TUSC3: variants seen among roughly 807,000 people sequenced by gnomAD.
TUSC3 encodes the protein tumor suppressor candidate 3.
Under a neutral mutation model 44.8 loss-of-function variants are expected in TUSC3, and 45 were observed. That is an observed-to-expected ratio of 1.00 (90% CI 0.79 to 1.29). The LOEUF is 1.29. TUSC3 is among the 50% of genes most tolerant of loss of function. The pLI, the probability that TUSC3 is intolerant of heterozygous loss-of-function variation, is 0.00. For missense variants in TUSC3, 519 were observed against 437.9 expected (o/e 1.19, Z -1.65); for synonymous variants, 212 against 152.9 (o/e 1.39, Z -2.85).
intron 2 of TUSC3, among the ~76,000 whole-genome samples, chr8:15,486,376 T>A (rs1800733068): frequency 6.6e-6 from 1 of 152,214 alleles, no homozygotes; most frequent in Non-Finnish European, 1.5e-5. Context: ...AAATGACTGC[T>A]GGTACTTGGT....
At chr8:15,594,986 A>C (rs375965408) in intron 1 of TUSC3, among the ~76,000 whole-genome samples, 2 of 151,950 alleles carry the variant, frequency 1.3e-5, no homozygotes, top group South Asian at 4.2e-4. Flanking sequence ...TAGGTTTTAT[A>C]CTTCGGGGCA....
intron 1 of TUSC3, among the ~76,000 whole-genome samples, chr8:15,583,517 G>A (rs1384253729): frequency 1.3e-5 from 2 of 152,130 alleles, no homozygotes; most frequent in African/African-American, 2.4e-5. Context: ...GTGTTCTATG[G>A]TTAAGGCTTT....
chr8:15,756,141 T>C (rs117347003), intron 9 of TUSC3, among the ~76,000 whole-genome samples: 57 of 152,312 alleles, frequency 3.7e-4, no homozygotes, highest in Non-Finnish European at 5.9e-4. Context: ...TAATTCTGTG[T>C]ATTAGCTAGA....
At chr8:15,686,575 C>T (rs1274720169) in intron 6 of TUSC3, among the ~76,000 whole-genome samples, 1 of 151,916 alleles carries the variant, frequency 6.6e-6, no homozygotes, top group Non-Finnish European at 1.5e-5. Flanking sequence ...GGATTTTGCA[C>T]ATGCTAGGTC....
chr8:15,575,080 G>C (rs928059463), intron 1 of TUSC3, among the ~76,000 whole-genome samples: 2 of 151,938 alleles, frequency 1.3e-5, no homozygotes, highest in Non-Finnish European at 2.9e-5. Context: ...GCAATTAATG[G>C]TTTAAAAAAT....
the TUSC3 span, among the ~76,000 whole-genome samples, chr8:15,847,771 G>C: frequency 1.3e-5 from 2 of 152,020 alleles, no homozygotes; most frequent in East Asian, 1.9e-4. Context: ...TTTTCTCATA[G>C]AGTAGCAATG....
At chr8:15,652,160 A>C (rs1172771025) in intron 3 of TUSC3, among the ~76,000 whole-genome samples, 3 of 152,212 alleles carry the variant, frequency 2.0e-5, no homozygotes, top group African/African-American at 7.2e-5. Context: ...TGCAAAACTT[A>C]GTGCAGTTCC....
At chr8:15,846,835 T>C in the TUSC3 span, among the ~76,000 whole-genome samples, 1 of 151,292 alleles carries the variant, frequency 6.6e-6, no homozygotes, top group Non-Finnish European at 1.5e-5. Context: ...AACCTGCATG[T>C]TCTGCACATA....
the TUSC3 span, among the ~76,000 whole-genome samples, chr8:15,785,383 C>G: frequency 6.6e-6 from 1 of 151,612 alleles, no homozygotes; most frequent in Admixed American, 6.6e-5. Context: ...AGGTCTTAGC[C>G]TAGATATCTT....
At position 15,764,953 on chromosome 8, in the gene TUSC3, C is replaced by T. The variant is rs149530614; in HGVS notation, c.*797C>T. 14 of 152,132 alleles carry T rather than the reference C, an allele frequency of 9.2e-5. No homozygotes were observed. In the East Asian group the frequency reaches 2.7e-3, roughly 29 times the overall value. The allele number at this position is 152,132 out of a possible 1,614,324, so 9.4% of individuals were successfully genotyped here. A position where few individuals can be genotyped will look rare whatever the true frequency, so the allele number is the denominator to read the frequency against. On this transcript the variant is annotated 3_prime_UTR_variant, in exon 11 of 11. Transcript: ENST00000503731. ...TCCATTTTCGAGCAAACCTAACCCA[C>T]TATATCCATTTTGCTCATGTGTTTT...
intron 6 of TUSC3, among the ~76,000 whole-genome samples, chr8:15,695,851 C>G (rs1235336632): frequency 1.3e-5 from 2 of 152,102 alleles, no homozygotes; most frequent in African/African-American, 2.4e-5. Context: ...ACTTTGAACT[C>G]AAGAGAGATG....
the TUSC3 span, among the ~76,000 whole-genome samples, chr8:15,846,443 C>G: frequency 6.6e-6 from 1 of 152,060 alleles, no homozygotes; most frequent in Non-Finnish European, 1.5e-5. Context: ...CAGCACTATT[C>G]ACAATACCAA....
intron 2 of TUSC3, among the ~76,000 whole-genome samples, chr8:15,522,111 T>C (rs542110069): frequency 1.3e-5 from 2 of 152,346 alleles, no homozygotes; most frequent in East Asian, 3.9e-4. Flanking sequence ...TAGACTATTG[T>C]TGTGTCCAAG....
intron 1 of TUSC3, among the ~76,000 whole-genome samples, chr8:15,467,038 C>G (rs1691536079): frequency 1.3e-5 from 2 of 151,926 alleles, no homozygotes; most frequent in South Asian, 2.1e-4. Flanking sequence ...TTGCATATAG[C>G]TAAGGACAAA....
chr8:15,545,114 G>C (rs894832415), intron 1 of TUSC3, among the ~76,000 whole-genome samples: 2 of 151,610 alleles, frequency 1.3e-5, no homozygotes, highest in South Asian at 4.2e-4. Flanking sequence ...CAGAGAGTTT[G>C]TCATATGCCT....
chr8:15,542,480 G>GA (rs2129133379), intron 1 of TUSC3, among the ~76,000 whole-genome samples: 1 of 152,076 alleles, frequency 6.6e-6, no homozygotes, highest in South Asian at 2.1e-4. Flanking sequence ...TTAGCTTTGG[G>GA]ATATGCCCTC....
intron 3 of TUSC3, among the ~76,000 whole-genome samples, chr8:15,653,308 A>AAG: frequency 6.6e-6 from 1 of 152,310 alleles, no homozygotes; most frequent in East Asian, 1.9e-4. Flanking sequence ...CTCTCAAGAA[A>AAG]AGACCTAAAT....
At chr8:15,623,016 A>G (rs1368231333) in intron 1 of TUSC3, 64 bp from the exon 2 acceptor site, 1 of 1,514,962 alleles carries the variant, frequency 6.6e-7, no homozygotes, top group African/African-American at 1.4e-5. Flanking sequence ...TTATGCATTT[A>G]TATGAAATTC....
chr8:15,615,532 T>C (rs1199512250), intron 1 of TUSC3, among the ~76,000 whole-genome samples: 1 of 152,136 alleles, frequency 6.6e-6, no homozygotes, highest in African/African-American at 2.4e-5. Flanking sequence ...ATAAGAGTAA[T>C]AAGTTCTAAT....
Sources: allele counts gnomAD v4.1 joint callset (sites outside exome capture counted in the v4.1 genomes callset), GRCh38; gene constraint gnomAD v4.1.1; transcripts MANE v1.5; gene names NCBI Gene and HGNC (gene_info 2026-07-23, HGNC 2026-07-21).